Variants in FMNL2 observed in about 807,000 individuals in gnomAD.
FMNL2 encodes formin like 2.
A neutral mutation model predicts 130.2 loss-of-function variants in FMNL2; 51 were observed. The ratio of observed to expected loss-of-function variants is 0.39; its 90% CI spans 0.31 to 0.49. The LOEUF is 0.49. Ranked by LOEUF, FMNL2 falls within the 20% of genes least tolerant of loss-of-function variation. The probability of loss-of-function intolerance (pLI) is 0.85; values close to 1 mark genes in which losing one functional copy is unlikely to be tolerated. For missense variants in FMNL2, 977 were observed against 1,316.2 expected, an observed-to-expected ratio of 0.74 and a Z score of 3.99; for synonymous variants, 465 against 467.1, an observed-to-expected ratio of 1.00 and a Z score of 0.06.
chr2:152,592,818 A>G (rs1697511085), intron 9 of FMNL2, among the ~76,000 whole-genome samples: 1 of 152,226 alleles, frequency 6.6e-6, no homozygotes. Flanking sequence ...ATACAGCCTT[A>G]CATAACATGT....
At chr2:152,425,860 C>G (rs1440646098) in intron 1 of FMNL2, among the ~76,000 whole-genome samples, 1 of 152,186 alleles carries the variant, frequency 6.6e-6, no homozygotes, top group African/African-American at 2.4e-5. Context: ...TCCCCCATCC[C>G]ATCTCTCTGG....
intron 1 of FMNL2, among the ~76,000 whole-genome samples, chr2:152,446,192 G>A (rs1289781269): frequency 6.6e-6 from 1 of 152,138 alleles, no homozygotes; most frequent in Non-Finnish European, 1.5e-5. Context: ...TGGGCTCAGA[G>A]GGACTGTCCC....
intron 1 of FMNL2, among the ~76,000 whole-genome samples, chr2:152,399,453 C>T (rs905000527): frequency 1.6e-4 from 25 of 152,096 alleles, no homozygotes; most frequent in African/African-American, 6.0e-4. Flanking sequence ...GTATTTTCTT[C>T]ATAGTATTGA....
chr2:152,479,564 T>C (rs776395449), intron 1 of FMNL2, among the ~76,000 whole-genome samples: 15 of 152,168 alleles, frequency 9.9e-5, no homozygotes, highest in Non-Finnish European at 1.9e-4. Flanking sequence ...CTGTATGATA[T>C]CAATTTTGCA....
intron 9 of FMNL2, among the ~76,000 whole-genome samples, chr2:152,589,977 A>ATATG (rs1697314387): frequency 1.3e-4 from 6 of 44,928 alleles, no homozygotes; most frequent in African/African-American, 6.6e-4. Flanking sequence ...ATATATATAT[A>ATATG]TATATATGTA....
intron 2 of FMNL2, among the ~76,000 whole-genome samples, chr2:152,534,279 A>T (rs921753670): frequency 4.6e-5 from 7 of 152,180 alleles, no homozygotes; most frequent in African/African-American, 1.2e-4. Context: ...CTCCCATGCT[A>T]CTTGCTTTAA....
intron 15 of FMNL2, among the ~76,000 whole-genome samples, chr2:152,624,206 A>G (rs1173215447): frequency 1.3e-5 from 2 of 150,014 alleles, no homozygotes; most frequent in Non-Finnish European, 3.0e-5. Flanking sequence ...TACCCAGGCT[A>G]GAGTGCTATG....
rs560199322 is a variant in FMNL2, at chr2:152,346,896, C to A, written c.117+11176C>A. The stretch of plus-strand genomic sequence containing the variant: ...CACGAGGTCAGGAGTTCGAGACCAG[C>A]CTGGCCAACATGGTGAAACCCCGTA... On this transcript the variant is annotated intron_variant, in intron 1 of 25. Coordinates refer to ENST00000288670, the MANE Select transcript of FMNL2 (RefSeq NM_052905.4). 3.9e-5 allele frequency among the ~76,000 whole-genome samples: 6 copies of A among 152,050 alleles called. No individual in the cohort carries two copies. In the South Asian group the frequency reaches 6.3e-4, roughly 16 times the overall value.
chr2:152,641,445 TCTC>T (rs1683075281), intron 25 of FMNL2, among the ~76,000 whole-genome samples: 1 of 152,244 alleles, frequency 6.6e-6, no homozygotes, highest in Non-Finnish European at 1.5e-5. Flanking sequence ...CATAATGCTA[TCTC>T]CTCGAACCAA....
At chr2:152,457,620 A>G (rs535625952) in intron 1 of FMNL2, among the ~76,000 whole-genome samples, 1 of 152,336 alleles carries the variant, frequency 6.6e-6, no homozygotes, top group South Asian at 2.1e-4. Context: ...AGTCCTTTGT[A>G]AGAAAAAAAT....
At chr2:152,426,183 A>G (rs1020491444) in intron 1 of FMNL2, among the ~76,000 whole-genome samples, 6 of 152,194 alleles carry the variant, frequency 3.9e-5, no homozygotes, top group Admixed American at 2.6e-4. Context: ...TTTAGGCCAC[A>G]ATGGACCTTG....
At chr2:152,432,530 T>C (rs1687553407) in intron 1 of FMNL2, among the ~76,000 whole-genome samples, 1 of 152,166 alleles carries the variant, frequency 6.6e-6, no homozygotes, top group African/African-American at 2.4e-5. Flanking sequence ...CTCCTCCCTT[T>C]GTTTCCAGAT....
Position 152,626,507 on chromosome 2 carries a change from C to A in FMNL2, c.1963-18C>A. The stretch of plus-strand genomic sequence containing the variant: ...TAAATATAATCCAATTTTCCATGGT[C>A]ATTCCTCTCTATCTTAGGATTTAAA... On this transcript the variant is annotated intron_variant, in intron 16 of 25. Transcript: ENST00000288670. 1.3e-6 allele frequency: 2 copies of A among 1,575,174 alleles called. No homozygotes were observed. Among genetic ancestry groups the A allele is most frequent in the South Asian group, 2.4e-5 (2 of 85,040 alleles).
At chr2:152,443,599 C>G (rs1057137598) in intron 1 of FMNL2, among the ~76,000 whole-genome samples, 1 of 151,762 alleles carries the variant, frequency 6.6e-6, no homozygotes, top group African/African-American at 2.4e-5. Context: ...TCCTAGCACT[C>G]TGGGAGGCTG....
intron 3 of FMNL2, among the ~76,000 whole-genome samples, chr2:152,545,357 C>T (rs144275298): frequency 3.7e-4 from 57 of 152,040 alleles, no homozygotes; most frequent in African/African-American, 1.0e-3. Flanking sequence ...CTGGAGTCCT[C>T]GAATACTTGA....
chr2:152,616,999 T>C (rs1698987939), intron 12 of FMNL2, 92 bp from the exon 13 acceptor site: 1 of 1,018,842 alleles, frequency 9.8e-7, no homozygotes. Flanking sequence ...AGGGCCCTGG[T>C]CCCTAATAAT....
At chr2:152,338,649 A>G (rs550254084) in intron 1 of FMNL2, among the ~76,000 whole-genome samples, 1 of 152,288 alleles carries the variant, frequency 6.6e-6, no homozygotes, top group African/African-American at 2.4e-5. Flanking sequence ...GACTAGCAAA[A>G]ATTGGATCCC....
intron 1 of FMNL2, among the ~76,000 whole-genome samples, chr2:152,519,313 C>T (rs1008388020): frequency 2.0e-5 from 3 of 152,156 alleles, no homozygotes; most frequent in East Asian, 1.9e-4. Flanking sequence ...CTGGGCATCG[C>T]GTCTGTTTGG....
intron 25 of FMNL2, among the ~76,000 whole-genome samples, chr2:152,642,257 T>C (rs948493084): frequency 1.6e-4 from 25 of 152,190 alleles, no homozygotes; most frequent in African/African-American, 5.3e-4. Context: ...TTTCTTGTTA[T>C]AGCTTAGTGA....
Sources: gnomAD v4.1 joint callset for allele counts (sites outside exome capture counted in the v4.1 genomes callset) on GRCh38, gnomAD v4.1.1 for gene constraint, MANE v1.5 for transcripts, NCBI Gene and HGNC (gene_info 2026-07-23, HGNC 2026-07-21) for gene names.